The following LIN28B variants were observed in gnomAD, a reference collection of about 807,000 sequenced individuals.
LIN28B encodes protein lin-28 homolog B.
A neutral mutation model predicts 21.9 loss-of-function variants in LIN28B; 5 were observed. The observed-to-expected ratio is 0.23, with a 90% confidence interval of 0.12 to 0.48. The LOEUF (loss-of-function observed/expected upper bound fraction) is 0.48, where lower values mean the gene tolerates loss of function less well. Ranked by LOEUF, LIN28B falls within the 20% of genes least tolerant of loss-of-function variation. The pLI is 0.98. For synonymous variants in LIN28B, 109 were observed against 111.3 expected (o/e 0.98, Z 0.13); for missense variants, 245 against 310.5 (o/e 0.79, Z 1.58).
intron 2 of LIN28B, among the ~76,000 whole-genome samples, chr6:104,937,312 G>A (rs1378080100): frequency 6.6e-6 from 1 of 152,112 alleles, no homozygotes; most frequent in Admixed American, 6.5e-5. Flanking sequence ...ATTTTGTAGA[G>A]ACGCGGTGAC....
At chr6:104,958,003 C>G (rs924105615) in intron 1 of LIN28B, 96 bp from the exon 2 acceptor site, 1 of 801,062 alleles carries the variant, frequency 1.2e-6, no homozygotes. Context: ...TGTTACCCTT[C>G]CCCCCCAACC....
At chr6:105,069,695 A>G (rs909650038) in intron 3 of LIN28B, among the ~76,000 whole-genome samples, 1 of 152,194 alleles carries the variant, frequency 6.6e-6, no homozygotes, top group African/African-American at 2.4e-5. Context: ...TCTCAAAAAA[A>G]AAAAAAAGCT....
intron 2 of LIN28B, among the ~76,000 whole-genome samples, chr6:105,004,485 ATAT>A (rs1319616456): frequency 6.6e-6 from 1 of 151,452 alleles, no homozygotes; most frequent in African/African-American, 2.4e-5. Flanking sequence ...TTCCCCTCAG[ATAT>A]TATCCATGAA....
chr6:105,082,996 TTA>T lies in LIN28B; in HGVS notation c.*4217_*4218del, dbSNP rs1449751119. On this transcript the variant is annotated 3_prime_UTR_variant, in exon 4 of 4. Transcript: ENST00000345080. ...TAGAGACCAAAGTGAACCCTGATTT[TTA>T]TATGTCTTTAATAATGGTGTTTTAT... 5 of 152,670 alleles carry T rather than the reference TTA, an allele frequency of 3.3e-5. No individual in the cohort carries two copies. The highest frequency in any genetic ancestry group is 1.5e-5 in the Non-Finnish European group (1 of 68,034). The allele number at this position is 152,670 out of a possible 1,614,324, so 9.5% of individuals were successfully genotyped here.
chr6:104,959,389 G>A (rs1290048538), intron 2 of LIN28B, among the ~76,000 whole-genome samples: 1 of 152,170 alleles, frequency 6.6e-6, no homozygotes, highest in African/African-American at 2.4e-5. Flanking sequence ...GTATATATTT[G>A]ATACTGTGTT....
chr6:105,052,411 G>A (rs1333163213), intron 3 of LIN28B, among the ~76,000 whole-genome samples: 2 of 152,144 alleles, frequency 1.3e-5, no homozygotes, highest in African/African-American at 4.8e-5. Context: ...CATCTGGCAA[G>A]TGCCCTCTTG....
chr6:104,958,103 G>T lies in LIN28B; in HGVS notation c.15G>T (p.Gly5=). The T allele has an allele frequency of 6.3e-7, 1 of 1,576,724 alleles. No individual in the cohort carries two copies. Among genetic ancestry groups the T allele is most frequent in the Non-Finnish European group, 8.7e-7 (1 of 1,154,532 alleles). The stretch of plus-strand genomic sequence containing the variant: ...TTTTGTCCTGTTCCTTCTCAGGCGG[G>T]GCTAGCAAAGGTGGTGGAGAAGAGC... MAEG[G]ASKGGGEEPG... The change falls in exon 2 of 4, where the codon GGG becomes GGT. Residue 5 remains glycine (G), a synonymous_variant. Transcript: ENST00000345080.
In LIN28B at chr6:105,078,598, A is replaced by G; in HGVS notation, c.568A>G (p.Thr190Ala). 1 of 1,613,672 alleles carries G rather than the reference A, an allele frequency of 6.2e-7. No homozygotes were observed. The highest frequency in any genetic ancestry group is 8.5e-7 in the Non-Finnish European group (1 of 1,179,902). The change falls in exon 4 of 4, where the codon ACT becomes GCT. Residue 190 changes from threonine (T) to alanine (A), a missense_variant. Coordinates refer to ENST00000345080, the MANE Select transcript of LIN28B (RefSeq NM_001004317.4). ...AGCAGAATCCCAGCCATGCACTTCA[A>G]CTCTCCCTCGAGAAGTGGGAGGCGG... ...QEAESQPCTS[T>A]LPREVGGGHG...
intron 2 of LIN28B, among the ~76,000 whole-genome samples, chr6:105,006,303 CTGTTT>C (rs200814200): frequency 2.2e-4 from 33 of 151,916 alleles, no homozygotes; most frequent in East Asian, 5.8e-4. Flanking sequence ...TGGTTCTGTT[CTGTTT>C]TGTTTTGTTT....
intron 3 of LIN28B, among the ~76,000 whole-genome samples, chr6:105,043,574 T>C (rs1771687180): frequency 6.6e-6 from 1 of 150,822 alleles, no homozygotes; most frequent in Admixed American, 6.6e-5. Context: ...CTTTTGTTGA[T>C]TTTTTTGTTT....
At chr6:105,015,267 C>A (rs894596874) in intron 2 of LIN28B, among the ~76,000 whole-genome samples, 1 of 152,058 alleles carries the variant, frequency 6.6e-6, no homozygotes, top group African/African-American at 2.4e-5. Context: ...TTTAAAAATT[C>A]CATTATGAAA....
intron 2 of LIN28B, among the ~76,000 whole-genome samples, chr6:104,984,459 CT>C (rs976627110): frequency 5.4e-4 from 78 of 145,266 alleles, no homozygotes; most frequent in Admixed American, 7.6e-4. Flanking sequence ...TTTCTTTTTT[CT>C]TTTTTTTTTT....
At chr6:105,024,074 C>T (rs555521698) in intron 2 of LIN28B, among the ~76,000 whole-genome samples, 2 of 152,098 alleles carry the variant, frequency 1.3e-5, no homozygotes, top group Admixed American at 6.6e-5. Context: ...CTGCAACCTC[C>T]GCCTCCCAGG....
At chr6:104,994,588 G>C (rs1013830049) in intron 2 of LIN28B, among the ~76,000 whole-genome samples, 8 of 152,148 alleles carry the variant, frequency 5.3e-5, no homozygotes, top group African/African-American at 1.9e-4. Flanking sequence ...AAAAGGGGAG[G>C]TTTTTCATTT....
intron 2 of LIN28B, among the ~76,000 whole-genome samples, chr6:105,015,785 A>G (rs1442641643): frequency 6.6e-6 from 1 of 152,196 alleles, no homozygotes; most frequent in Admixed American, 6.5e-5. Flanking sequence ...ACCATGCCAG[A>G]TACTGTAGTG....
chr6:104,947,343 C>T (rs917859856), intron 2 of LIN28B, among the ~76,000 whole-genome samples: 9 of 152,106 alleles, frequency 5.9e-5, no homozygotes, highest in African/African-American at 1.9e-4. Context: ...AGGCTGGTCT[C>T]GAACTCTGGA....
chr6:104,983,674 T>A (rs1215273878), intron 2 of LIN28B, among the ~76,000 whole-genome samples: 1 of 152,192 alleles, frequency 6.6e-6, no homozygotes, highest in Non-Finnish European at 1.5e-5. Context: ...CCTCCCAGTT[T>A]CAAGTGATTC....
At chr6:105,036,385 C>T (rs1370961237) in intron 3 of LIN28B, among the ~76,000 whole-genome samples, 1 of 152,168 alleles carries the variant, frequency 6.6e-6, no homozygotes, top group Non-Finnish European at 1.5e-5. Flanking sequence ...CTTAATTCTT[C>T]TGTATTTTTA....
intron 3 of LIN28B, among the ~76,000 whole-genome samples, chr6:105,031,448 A>AT (rs1771420861): frequency 6.6e-6 from 1 of 152,082 alleles, no homozygotes. Context: ...TTTATATTAA[A>AT]TTTGGAAGTA....
Sources: allele counts gnomAD v4.1 joint callset (sites outside exome capture counted in the v4.1 genomes callset), GRCh38; gene constraint gnomAD v4.1.1; transcripts MANE v1.5; gene names NCBI Gene and HGNC (gene_info 2026-07-23, HGNC 2026-07-21).